The following SORCS2 variants were observed in gnomAD, a reference collection of about 807,000 sequenced individuals.
SORCS2 encodes VPS10 domain-containing receptor SorCS2.
A neutral mutation model predicts 141.6 loss-of-function variants in SORCS2; 100 were observed. That is an observed-to-expected ratio of 0.71 (90% CI 0.60 to 0.83). The LOEUF is 0.83. Ranked by LOEUF, SORCS2 falls within the 40% of genes least tolerant of loss-of-function variation. The probability of loss-of-function intolerance (pLI) is 0.00; values close to 1 mark genes in which losing one functional copy is unlikely to be tolerated. For missense variants in SORCS2, 1,646 were observed against 1,560.2 expected (o/e 1.05, Z -0.93); for synonymous variants, 789 against 676.9 (o/e 1.17, Z -2.57).
chr4:7,567,056 C>T (rs1715069450), intron 3 of SORCS2, among the ~76,000 whole-genome samples: 1 of 152,142 alleles, frequency 6.6e-6, no homozygotes, highest in South Asian at 2.1e-4. Context: ...CTCCAACACC[C>T]CTATTTATTT....
intron 2 of SORCS2, among the ~76,000 whole-genome samples, chr4:7,470,667 T>C (rs962126596): frequency 4.9e-4 from 74 of 152,126 alleles, no homozygotes; most frequent in African/African-American, 1.7e-3. Flanking sequence ...TGGGCGATGA[T>C]TGGAGAGACA....
Position 7,193,950 on chromosome 4 carries a change from T to TGCAG in SORCS2, c.480+826_480+829dup, listed in dbSNP as rs1727019517. Reference sequence around the variant, plus strand: ...GCCTCCTCTGGCCTTTGGTGGTGCATGCAGGAGGCAGAGGGTCCCTTTAGA... The same window carrying TGCAG: ...GCCTCCTCTGGCCTTTGGTGGTGCATGCAGGCAGGAGGCAGAGGGTCCCTTTAGA... On this transcript the variant is annotated intron_variant, in intron 1 of 26. Transcript: ENST00000507866. The surrounding 1 kb of genome is among the most constrained non-coding windows in gnomAD (Gnocchi z 4.8). 6.6e-6 allele frequency among the ~76,000 whole-genome samples: 1 copy of TGCAG among 152,134 alleles called. No individual in the cohort carries two copies. The highest frequency in any genetic ancestry group is 2.4e-5 in the African/African-American group (1 of 41,426).
Position 7,233,466 on chromosome 4 carries a change from C to G in SORCS2, c.480+40340C>G, listed in dbSNP as rs1712048234. 6.6e-6 allele frequency among the ~76,000 whole-genome samples: 1 copy of G among 152,212 alleles called. No homozygotes were observed. Among genetic ancestry groups the G allele is most frequent in the Non-Finnish European group, 1.5e-5 (1 of 68,044 alleles). On this transcript the variant is annotated intron_variant, in intron 1 of 26. Transcript: ENST00000507866. This position sits in a 1 kb window ranked among gnomAD's most constrained non-coding sequence, Gnocchi z 4.5. ...TCCATCCAGGGGCCCGGACACTGGGCCACAGTGCAGTACAGACCCTCGCTG... is the reference window on the plus strand; with the variant it reads ...TCCATCCAGGGGCCCGGACACTGGGGCACAGTGCAGTACAGACCCTCGCTG...
chr4:7,582,205 G>C (rs1228371048), intron 3 of SORCS2, among the ~76,000 whole-genome samples: 2 of 152,188 alleles, frequency 1.3e-5, no homozygotes, highest in East Asian at 3.8e-4. Context: ...TACAGATGCT[G>C]AAACTGAAGC....
chr4:7,383,178 G>A (rs140395297), intron 1 of SORCS2, among the ~76,000 whole-genome samples: 7 of 152,170 alleles, frequency 4.6e-5, no homozygotes, highest in African/African-American at 9.6e-5. Flanking sequence ...AATTTGGTAC[G>A]GAGCTCAAGA....
chr4:7,695,346 GGATT>G (rs1296097694), intron 11 of SORCS2, among the ~76,000 whole-genome samples: 2 of 57,088 alleles, frequency 3.5e-5, no homozygotes, highest in Non-Finnish European at 3.4e-5. Flanking sequence ...ATGGATGGAT[GGATT>G]GGTGGGTGGA....
intron 1 of SORCS2, among the ~76,000 whole-genome samples, chr4:7,316,621 C>T (rs1407610226): frequency 1.3e-5 from 2 of 152,200 alleles, no homozygotes; most frequent in Non-Finnish European, 2.9e-5. Context: ...ATTTAAAGTG[C>T]TTGGCTTAGA....
intron 1 of SORCS2, among the ~76,000 whole-genome samples, chr4:7,212,530 G>A (rs1331620537): frequency 6.6e-6 from 1 of 152,220 alleles, no homozygotes; most frequent in Non-Finnish European, 1.5e-5. Context: ...TTGGTTCCTT[G>A]TCTGTCTCCA....
rs369480075 is a variant in SORCS2, at chr4:7,717,992, A to G, written c.2253-20A>G. 389 of 1,586,038 alleles carry G rather than the reference A, an allele frequency of 2.5e-4. No homozygotes were observed. The highest frequency in any genetic ancestry group is 1.1e-3 in the South Asian group (93 of 87,064). ...TGCCACCTGTCTGAAGCGGACCCTG[A>G]CCCTCTCTTGTCAATCCAGGTACCG... On this transcript the variant is annotated intron_variant, in intron 17 of 26. Transcript: ENST00000507866.
intron 2 of SORCS2, among the ~76,000 whole-genome samples, chr4:7,453,169 G>A: frequency 7.5e-6 from 1 of 132,456 alleles, no homozygotes; most frequent in South Asian, 2.7e-4. Flanking sequence ...GCTGTGTTGG[G>A]GTCAGGCTCT....
In SORCS2 at chr4:7,509,540, G is replaced by A. The variant is rs550776075; in HGVS notation, c.549-21990G>A. On this transcript the variant is annotated intron_variant, in intron 2 of 26. Transcript: ENST00000507866. ...ACTCACCCGCACTCGCCACTCACGG[G>A]AGGACTCTGCGGTCGACGCTGGGGC... is the stretch of plus-strand genomic sequence containing the variant. Among the ~76,000 whole-genome samples, 3 of 152,200 alleles carry A rather than the reference G, an allele frequency of 2.0e-5. No individual in the cohort carries two copies. The South Asian group carries it at 6.2e-4, about 32-fold the overall frequency.
intron 1 of SORCS2, among the ~76,000 whole-genome samples, chr4:7,393,680 C>T (rs534581021): frequency 1.5e-4 from 23 of 152,100 alleles, no homozygotes; most frequent in East Asian, 7.7e-4. Context: ...TGGGGCATTG[C>T]GGGGGTTGCT....
chr4:7,592,941 G>T (rs1422996774), intron 3 of SORCS2, among the ~76,000 whole-genome samples: 2 of 152,220 alleles, frequency 1.3e-5, no homozygotes, highest in Non-Finnish European at 2.9e-5. Flanking sequence ...TGGAGGTGCT[G>T]CTTGGGTTAA....
At chr4:7,240,706 A>G (rs138607420) in intron 1 of SORCS2, among the ~76,000 whole-genome samples, 359 of 152,212 alleles carry the variant, frequency 2.4e-3, no homozygotes, top group African/African-American at 7.8e-3. Context: ...TGGAATCCTG[A>G]AGCTGCAACT....
chr4:7,402,236 C>A (rs36061257), intron 2 of SORCS2, among the ~76,000 whole-genome samples: 22,334 of 152,158 alleles, frequency 0.15, 1,785 homozygotes, highest in Non-Finnish European at 0.18. Context: ...ACTATGATAG[C>A]TTCTCTCCTC....
chr4:7,435,077 C>A (rs574700861), intron 2 of SORCS2: 2 of 594,658 alleles, frequency 3.4e-6, no homozygotes, highest in East Asian at 5.8e-5. Context: ...CACTATCCCT[C>A]CCCTCTTTTC....
chr4:7,650,996 C>G (rs1475439212), intron 4 of SORCS2, among the ~76,000 whole-genome samples: 2 of 152,144 alleles, frequency 1.3e-5, no homozygotes, highest in Non-Finnish European at 2.9e-5. Flanking sequence ...ACAGCCCCTA[C>G]CCCCAGAGGG....
At chr4:7,612,015 AT>A in intron 3 of SORCS2, among the ~76,000 whole-genome samples, 2 of 152,228 alleles carry the variant, frequency 1.3e-5, no homozygotes, top group East Asian at 3.9e-4. Flanking sequence ...ATCTGATGTG[AT>A]GGGGAATGTG....
rs368068114 is a variant in SORCS2 at position 7,740,303 on chromosome 4, C to T, written c.*39C>T. On this transcript the variant is annotated 3_prime_UTR_variant, in exon 27 of 27. Transcript: ENST00000507866. ...TCTGTCTTTTCACCCACGGAGGGCA[C>T]AGAACCACCAGCAAAGCCGGCGGCT... is the stretch of plus-strand genomic sequence containing the variant. 6.3e-7 allele frequency: 1 copy of T among 1,582,284 alleles called. No individual in the cohort carries two copies. The highest frequency in any genetic ancestry group is 1.3e-5 in the African/African-American group (1 of 74,466).
Sources: gnomAD v4.1 joint callset for allele counts (sites outside exome capture counted in the v4.1 genomes callset) on GRCh38, gnomAD v4.1.1 for gene constraint, Gnocchi (gnomAD v3.1) non-coding constraint, MANE v1.5 for transcripts, NCBI Gene and HGNC (gene_info 2026-07-23, HGNC 2026-07-21) for gene names.